The following FBLN2 variants were observed in gnomAD, a reference collection of about 807,000 sequenced individuals.
FBLN2 encodes the protein fibulin 2.
In FBLN2, 81 loss-of-function variants were observed where a neutral mutation model predicts 123.7. The ratio of observed to expected loss-of-function variants is 0.65; its 90% CI spans 0.55 to 0.79. FBLN2 has a LOEUF of 0.79. Among genes scored for constraint, FBLN2 ranks in the 30% least tolerant of loss-of-function variants. FBLN2 has a pLI of 0.00. For missense variants in FBLN2, 1,603 were observed against 1,681.3 expected (o/e 0.95, Z 0.81); for synonymous variants, 699 against 701.4 (o/e 1.00, Z 0.05).
chr3:13,630,621 G>A (rs1706223722), intron 14 of FBLN2, 78 bp from the exon 15 acceptor site: 3 of 1,221,834 alleles, frequency 2.5e-6, no homozygotes, highest in African/African-American at 3.0e-5. Flanking sequence ...TGGTGGGCCT[G>A]GCTGTCAGAC....
chr3:13,621,497 G>T (rs535033565), intron 8 of FBLN2, among the ~76,000 whole-genome samples: 1 of 152,170 alleles, frequency 6.6e-6, no homozygotes, highest in African/African-American at 2.4e-5. Context: ...AGTATCGAGT[G>T]CGTACGGGAG....
chr3:13,580,622 G>A (rs1399809029), intron 2 of FBLN2, among the ~76,000 whole-genome samples: 2 of 152,184 alleles, frequency 1.3e-5, no homozygotes, highest in African/African-American at 2.4e-5. Context: ...TTGTGTGTGC[G>A]TAGCTCTCCA....
chr3:13,606,636 T>G (rs752118722), intron 2 of FBLN2, among the ~76,000 whole-genome samples: 16 of 151,342 alleles, frequency 1.1e-4, no homozygotes, highest in African/African-American at 2.2e-4. Context: ...ATATTTTATA[T>G]GTTATATATA....
chr3:13,624,673 T>A (rs2124901537), intron 9 of FBLN2, among the ~76,000 whole-genome samples: 1 of 152,338 alleles, frequency 6.6e-6, no homozygotes, highest in African/African-American at 2.4e-5. Context: ...GAAGTGGCTC[T>A]GATGGTCCAG....
At chr3:13,613,154 A>G (rs1705460939) in intron 4 of FBLN2, among the ~76,000 whole-genome samples, 1 of 152,202 alleles carries the variant, frequency 6.6e-6, no homozygotes, top group African/African-American at 2.4e-5. Flanking sequence ...AAATAGAAGC[A>G]TTCAAGGTCT....
chr3:13,628,656 C>T (rs1368518474), intron 11 of FBLN2, among the ~76,000 whole-genome samples: 1 of 152,214 alleles, frequency 6.6e-6, no homozygotes, highest in Non-Finnish European at 1.5e-5. Flanking sequence ...CAGCCTCGAT[C>T]CCGCCCTGCC....
intron 1 of FBLN2, among the ~76,000 whole-genome samples, chr3:13,549,977 G>A (rs528684063): frequency 6.6e-6 from 1 of 152,252 alleles, no homozygotes; most frequent in South Asian, 2.1e-4. Context: ...ACGCACACAC[G>A]TCCGCCACAC....
intron 8 of FBLN2, among the ~76,000 whole-genome samples, chr3:13,620,080 A>G (rs73150622): frequency 0.034 from 5,141 of 152,112 alleles, 303 homozygotes; most frequent in African/African-American, 0.12. Flanking sequence ...GGCTCCTCAC[A>G]TGGTGTCGCT....
chr3:13,581,691 C>T (rs1012709216), intron 2 of FBLN2, among the ~76,000 whole-genome samples: 3 of 152,136 alleles, frequency 2.0e-5, no homozygotes, highest in African/African-American at 4.8e-5. Context: ...AGAATGCAGG[C>T]GGTCAGTTCA....
chr3:13,604,467 C>T (rs912313973), intron 2 of FBLN2, among the ~76,000 whole-genome samples: 1 of 152,066 alleles, frequency 6.6e-6, no homozygotes, highest in African/African-American at 2.4e-5. Flanking sequence ...GCCAGTTTTC[C>T]CAGCACCGTT....
intron 2 of FBLN2, among the ~76,000 whole-genome samples, chr3:13,604,541 T>C (rs1705142216): frequency 6.6e-6 from 1 of 152,218 alleles, no homozygotes; most frequent in Non-Finnish European, 1.5e-5. Context: ...ATCAGATGGT[T>C]GTAGATGTGT....
chr3:13,619,332 T>C (rs1209753909), intron 7 of FBLN2, among the ~76,000 whole-genome samples: 1 of 152,214 alleles, frequency 6.6e-6, no homozygotes, highest in Admixed American at 6.5e-5. Flanking sequence ...GTGGAGGCTG[T>C]GTTCAGCGCT....
chr3:13,626,465 G>A lies in FBLN2; in HGVS notation c.2317G>A (p.Asp773Asn). The stretch of plus-strand genomic sequence containing the variant: ...TGCAGACATCAACGAGTGTGTGACG[G>A]ACCTGCACACGTGCAGCCGGGGCGA... ...KCVDINECVT[D>N]LHTCSRGEHC... The change falls in exon 10 of 18, where the codon GAC (aspartate) becomes AAC (asparagine). Residue 773 changes from aspartate (D) to asparagine (N), a missense_variant. Coordinates refer to ENST00000404922, the MANE Select transcript of FBLN2 (RefSeq NM_001004019.2). The A allele has an allele frequency of 6.3e-7, 1 of 1,584,456 alleles. No individual in the cohort carries two copies. The highest frequency in any genetic ancestry group is 1.3e-5 in the African/African-American group (1 of 74,440).
At chr3:13,616,448 G>A (rs1705607195) in intron 5 of FBLN2, among the ~76,000 whole-genome samples, 1 of 152,188 alleles carries the variant, frequency 6.6e-6, no homozygotes, top group Non-Finnish European at 1.5e-5. Context: ...GTGCTAGGAG[G>A]AGCCCTGGGT....
At chr3:13,632,058 G>T (rs1464090093) in intron 16 of FBLN2, among the ~76,000 whole-genome samples, 2 of 152,190 alleles carry the variant, frequency 1.3e-5, no homozygotes, top group Non-Finnish European at 2.9e-5. Context: ...CAAGAGAGGG[G>T]ACTGTGTCCC....
At chr3:13,593,270 G>A (rs1469704092) in intron 2 of FBLN2, among the ~76,000 whole-genome samples, 3 of 152,154 alleles carry the variant, frequency 2.0e-5, no homozygotes, top group African/African-American at 4.8e-5. Context: ...TTAACTACCC[G>A]GGCATGGGTT....
intron 4 of FBLN2, among the ~76,000 whole-genome samples, chr3:13,612,166 G>A (rs976995110): frequency 6.6e-6 from 1 of 152,118 alleles, no homozygotes; most frequent in African/African-American, 2.4e-5. Flanking sequence ...ACTAGTATTA[G>A]TGAGAGGACC....
intron 1 of FBLN2, among the ~76,000 whole-genome samples, chr3:13,567,880 C>A (rs1274978126): frequency 6.6e-6 from 1 of 152,144 alleles, no homozygotes; most frequent in African/African-American, 2.4e-5. Context: ...ATCGCTTGAG[C>A]TCGGGAGGTT....
At chr3:13,614,209 G>A in intron 5 of FBLN2, 45 bp downstream of exon 5, 2 of 1,578,706 alleles carry the variant, frequency 1.3e-6, no homozygotes, top group South Asian at 1.1e-5. Context: ...GGCGAAGGCT[G>A]GTTGACCTCT....
Sources: allele counts gnomAD v4.1 joint callset (sites outside exome capture counted in the v4.1 genomes callset), GRCh38; gene constraint gnomAD v4.1.1; transcripts MANE v1.5; gene names NCBI Gene and HGNC (gene_info 2026-07-23, HGNC 2026-07-21).